NEMP2: variants seen among roughly 807,000 people sequenced by gnomAD.
NEMP2 encodes the protein nuclear envelope integral membrane protein 2, also known as UPF0571 transmembrane protein.
A neutral mutation model predicts 54.2 loss-of-function variants in NEMP2; 53 were observed. That is an observed-to-expected ratio of 0.98 (90% CI 0.78 to 1.23). NEMP2 has a LOEUF of 1.23. NEMP2 is among the 50% of genes most tolerant of loss of function. NEMP2 has a pLI of 0.00. For missense variants in NEMP2, 455 were observed against 511.3 expected (o/e 0.89, Z 1.06); for synonymous variants, 197 against 190.3 (o/e 1.04, Z -0.29).
the NEMP2 span, among the ~76,000 whole-genome samples, chr2:190,575,729 G>A: frequency 6.6e-6 from 1 of 152,078 alleles, no homozygotes; most frequent in African/African-American, 2.4e-5. Context: ...GGTGGTGCAC[G>A]CCTGTAATCC....
In NEMP2 at chr2:190,514,139, A is replaced by C. The variant is rs1690466603; in HGVS notation, c.953+314T>G. 6.6e-6 allele frequency among the ~76,000 whole-genome samples: 1 copy of C among 152,234 alleles called. No individual in the cohort carries two copies. The highest frequency in any genetic ancestry group is 2.1e-4 in the South Asian group (1 of 4,832). ...AGCAGTCTTTGACTCTAATTAAAGA[A>C]AATGTTGAATAAAAGAAGATATTTT... On this transcript the variant is annotated intron_variant, in intron 7 of 8. Coordinates refer to ENST00000409150, the MANE Select transcript of NEMP2 (RefSeq NM_001142645.2). The surrounding 1 kb of genome is among the most constrained non-coding windows in gnomAD (Gnocchi z 5.7).
intron 2 of NEMP2, among the ~76,000 whole-genome samples, chr2:190,524,848 C>T (rs1204033740): frequency 6.6e-6 from 1 of 152,148 alleles, no homozygotes; most frequent in East Asian, 1.9e-4. Context: ...TTGTTAAATG[C>T]TGAATGAAGG....
chr2:190,494,867 T>C, the NEMP2 span, among the ~76,000 whole-genome samples: 1 of 152,128 alleles, frequency 6.6e-6, no homozygotes, highest in Non-Finnish European at 1.5e-5. The surrounding 1 kb of genome is among the most constrained non-coding windows in gnomAD (Gnocchi z 5.7). Context: ...ATAAAAGCCA[T>C]TTGTGATAAA....
At position 190,530,634 on chromosome 2, in the gene NEMP2, A is replaced by C. The variant is rs1040157751; in HGVS notation, c.97+3925T>G. ...TTCTTAGGTCTCTCCTCCCTTTAGCAATCTTCTTCTAGAGCCATTTCACTG... is the reference window on the plus strand; with the variant it reads ...TTCTTAGGTCTCTCCTCCCTTTAGCCATCTTCTTCTAGAGCCATTTCACTG... On this transcript the variant is annotated intron_variant, in intron 1 of 8. Coordinates refer to ENST00000409150, the MANE Select transcript of NEMP2 (RefSeq NM_001142645.2). The surrounding 1 kb of genome is among the most constrained non-coding windows in gnomAD (Gnocchi z 4.6). Among the ~76,000 whole-genome samples the C allele has an allele frequency of 5.3e-5, 8 of 152,156 alleles. No homozygotes were observed. Among genetic ancestry groups the C allele is most frequent in the African/African-American group, 1.9e-4 (8 of 41,424 alleles).
At chr2:190,564,050 TAGAA>T in the NEMP2 span, among the ~76,000 whole-genome samples, 3 of 152,250 alleles carry the variant, frequency 2.0e-5, no homozygotes, top group African/African-American at 7.2e-5. This position sits in a 1 kb window ranked among gnomAD's most constrained non-coding sequence, Gnocchi z 4.2. Context: ...TATGAAGAAT[TAGAA>T]AGATATTGCT....
At chr2:190,515,162 G>T (rs1690509787) in intron 6 of NEMP2, among the ~76,000 whole-genome samples, 1 of 152,222 alleles carries the variant, frequency 6.6e-6, no homozygotes, top group African/African-American at 2.4e-5. Flanking sequence ...GATCCAAGGT[G>T]AAGTGCCCAT....
At chr2:190,536,440 G>A (rs983842170), upstream of NEMP2, among the ~76,000 whole-genome samples, 1 of 152,156 alleles carries the variant, frequency 6.6e-6, no homozygotes, top group African/African-American at 2.4e-5. Flanking sequence ...GGCTACTGCT[G>A]GGAAACCCTC....
At chr2:190,614,072 T>A in the NEMP2 span, among the ~76,000 whole-genome samples, 2 of 152,060 alleles carry the variant, frequency 1.3e-5, no homozygotes, top group African/African-American at 4.8e-5. This position sits in a 1 kb window ranked among gnomAD's most constrained non-coding sequence, Gnocchi z 5.7. Context: ...AAACATGGTG[T>A]ACACAAGACA....
chr2:190,450,228 C>T, the NEMP2 span, among the ~76,000 whole-genome samples: 1 of 152,086 alleles, frequency 6.6e-6, no homozygotes, highest in South Asian at 2.1e-4. Flanking sequence ...TATATTTCTA[C>T]ATATACATGG....
At chr2:190,490,417 G>A in the NEMP2 span, among the ~76,000 whole-genome samples, 1 of 152,060 alleles carries the variant, frequency 6.6e-6, no homozygotes, top group African/African-American at 2.4e-5. This position sits in a 1 kb window ranked among gnomAD's most constrained non-coding sequence, Gnocchi z 4.5. Flanking sequence ...TAAAAAATTA[G>A]CCGGGCACGG....
rs1318783065 is a variant in NEMP2 at position 190,504,619 on chromosome 2, TTTTTC to T, written c.*4565_*4569del. On this transcript the variant is annotated 3_prime_UTR_variant, in exon 9 of 9. Coordinates refer to ENST00000409150, the MANE Select transcript of NEMP2 (RefSeq NM_001142645.2). This position sits in a 1 kb window ranked among gnomAD's most constrained non-coding sequence, Gnocchi z 5.6. ...GAGGTTATAAGTTTCATAATTTTCA[TTTTTC>T]TTTTTCTTCTTAAAGGTGTCAACAA... 1 of 152,190 alleles carries T rather than the reference TTTTTC, an allele frequency of 6.6e-6. No individual in the cohort carries two copies. Among genetic ancestry groups the T allele is most frequent in the East Asian group, 1.9e-4 (1 of 5,190 alleles). The allele number at this position is 152,190 out of a possible 1,614,324, so 9.4% of individuals were successfully genotyped here.
At position 190,519,117 on chromosome 2, in the gene NEMP2, G is replaced by C; in HGVS notation, c.280C>G (p.Pro94Ala). 6.4e-7 allele frequency: 1 copy of C among 1,551,068 alleles called. No homozygotes were observed. Residue 94 changes from proline (P) to alanine (A), a missense_variant, in exon 3 of 9, where the codon CCA becomes GCA. This residue lies in a region of NEMP2 where 61 missense variants were observed against 97.5 expected (regional missense o/e 0.63). Coordinates refer to ENST00000409150, the MANE Select transcript of NEMP2 (RefSeq NM_001142645.2). The surrounding 1 kb of genome is among the most constrained non-coding windows in gnomAD (Gnocchi z 5.4). ...YIAERHNCQY[P>A]ENILSFIKCV... is the part of the protein sequence containing the mutation. ...TTGATAAAAGATAGAATGTTTTCTG[G>C]ATATTGGCAATTATGTCTTTCTGCG...
At chr2:190,434,563 G>C in the NEMP2 span, among the ~76,000 whole-genome samples, 2 of 152,148 alleles carry the variant, frequency 1.3e-5, no homozygotes, top group Non-Finnish European at 2.9e-5. The surrounding 1 kb of genome is among the most constrained non-coding windows in gnomAD (Gnocchi z 4.3). Flanking sequence ...AGCTTCCCAA[G>C]TAGCTGGGAC....
In NEMP2 at chr2:190,508,809, T is replaced by C. The variant is rs1690257822; in HGVS notation, c.*380A>G. 4.4e-6 allele frequency: 1 copy of C among 224,920 alleles called. No individual in the cohort carries two copies. The highest frequency in any genetic ancestry group is 2.3e-5 in the African/African-American group (1 of 43,710). The allele number at this position is 224,920 out of a possible 1,614,324, so 13.9% of individuals were successfully genotyped here. A position where few individuals can be genotyped will look rare whatever the true frequency, so the allele number is the denominator to read the frequency against. On this transcript the variant is annotated 3_prime_UTR_variant, in exon 9 of 9. Coordinates refer to ENST00000409150, the MANE Select transcript of NEMP2 (RefSeq NM_001142645.2). This position sits in a 1 kb window ranked among gnomAD's most constrained non-coding sequence, Gnocchi z 4.3. ...ATACTGACGAACTATAGGAAGAGTA[T>C]TGCAGAGTCTTCTGACACAGGTTCA...
chr2:190,644,801 C>CT, the NEMP2 span, among the ~76,000 whole-genome samples: 1 of 152,052 alleles, frequency 6.6e-6, no homozygotes, highest in African/African-American at 2.4e-5. The surrounding 1 kb of genome is among the most constrained non-coding windows in gnomAD (Gnocchi z 4.4). Context: ...GGGTAGTGGG[C>CT]TTAATACCTG....
the NEMP2 span, among the ~76,000 whole-genome samples, chr2:190,427,567 T>G: frequency 6.6e-6 from 1 of 152,232 alleles, no homozygotes. Flanking sequence ...GTGTTGTTCC[T>G]TGGGTACCAA....
chr2:190,511,393 A>G (rs1261211485), intron 7 of NEMP2, among the ~76,000 whole-genome samples: 1 of 152,126 alleles, frequency 6.6e-6, no homozygotes, highest in Non-Finnish European at 1.5e-5. Context: ...TTACATGACG[A>G]GTGGATCATG....
the NEMP2 span, among the ~76,000 whole-genome samples, chr2:190,494,858 T>A: frequency 6.6e-6 from 1 of 152,160 alleles, no homozygotes; most frequent in African/African-American, 2.4e-5. This position sits in a 1 kb window ranked among gnomAD's most constrained non-coding sequence, Gnocchi z 5.7. Flanking sequence ...CACAGTGAAA[T>A]AAAAGCCATT....
the NEMP2 span, among the ~76,000 whole-genome samples, chr2:190,592,929 G>C: frequency 6.6e-6 from 1 of 152,110 alleles, no homozygotes; most frequent in Non-Finnish European, 1.5e-5. This position sits in a 1 kb window ranked among gnomAD's most constrained non-coding sequence, Gnocchi z 4.4. Context: ...AAATAAATCT[G>C]TTATCTTTTA....
Sources: gnomAD v4.1 joint callset for allele counts (sites outside exome capture counted in the v4.1 genomes callset) on GRCh38, gnomAD v4.1.1 for gene constraint, gnomAD v4.1.1 regional missense constraint, Gnocchi (gnomAD v3.1) non-coding constraint, MANE v1.5 for transcripts, NCBI Gene and HGNC (gene_info 2026-07-23, HGNC 2026-07-21) for gene names.